Variants in GAPVD1 observed in about 807,000 individuals in gnomAD.
GAPVD1 encodes GTPase activating protein and VPS9 domains 1, also known as GTPase-activating protein and VPS9 domain-containing protein 1.
GAPVD1 carries 35 observed loss-of-function variants against 155.5 expected under a neutral mutation model. That is an observed-to-expected ratio of 0.23 (90% CI 0.17 to 0.30). The LOEUF (loss-of-function observed/expected upper bound fraction) is 0.30, where lower values mean the gene tolerates loss of function less well. GAPVD1 is among the 10% of genes least tolerant of loss of function. The pLI, the probability that GAPVD1 is intolerant of heterozygous loss-of-function variation, is 1.00. For synonymous variants in GAPVD1, 636 were observed against 619.7 expected, an observed-to-expected ratio of 1.03 and a Z score of -0.39; for missense variants, 1,429 against 1,775.7, an observed-to-expected ratio of 0.80 and a Z score of 3.51.
intron 23 of GAPVD1, among the ~76,000 whole-genome samples, chr9:125,352,622 G>T (rs1849467911): frequency 6.6e-6 from 1 of 152,236 alleles, no homozygotes; most frequent in Admixed American, 6.5e-5. Flanking sequence ...TGATGAGAGG[G>T]TCTGCCATGG....
At chr9:125,321,690 C>A in intron 10 of GAPVD1, 128 bp downstream of exon 10, 1 of 806,226 alleles carries the variant, frequency 1.2e-6, no homozygotes, top group African/African-American at 1.7e-5. Context: ...TGAAGATTTC[C>A]TCTAATGAGC....
chr9:125,293,924 G>A (rs1299298247), intron 2 of GAPVD1, among the ~76,000 whole-genome samples: 1 of 102,194 alleles, frequency 9.8e-6, no homozygotes, highest in African/African-American at 3.6e-5. Flanking sequence ...TTCTGTTTTT[G>A]TTTTTTTGAG....
At chr9:125,345,553 G>A (rs976701114) in intron 19 of GAPVD1, among the ~76,000 whole-genome samples, 2 of 152,198 alleles carry the variant, frequency 1.3e-5, no homozygotes, top group Admixed American at 6.5e-5. Context: ...TCAAACCCAT[G>A]TTGTTCAAGG....
At chr9:125,324,137 T>C in intron 11 of GAPVD1, among the ~76,000 whole-genome samples, 1 of 152,318 alleles carries the variant, frequency 6.6e-6, no homozygotes, top group East Asian at 1.9e-4. Context: ...TACTTGAAAT[T>C]CAGTAATATT....
chr9:125,337,434 C>G lies in GAPVD1; in HGVS notation c.2720C>G (p.Ser907Cys), dbSNP rs1376484557. The G allele has an allele frequency of 5.0e-6, 8 of 1,614,068 alleles. No homozygotes were observed. The highest frequency in any genetic ancestry group is 2.7e-5 in the African/African-American group (2 of 74,942). Residue 907 changes from serine to cysteine, a missense_variant, in exon 17 of 28, where the codon TCT (serine) becomes TGT (cysteine). Transcript: ENST00000297933. Reference protein sequence around the residue: ...LVRSRSSDIVSSVRRPMSDPS... With the variant: ...LVRSRSSDIVCSVRRPMSDPS... ...CGAAGCAGGAGCTCTGATATAGTAT[C>G]TTCTGTCCGGAGACCCATGAGTGAC...
chr9:125,273,112 T>C (rs1436462079), intron 2 of GAPVD1, among the ~76,000 whole-genome samples: 1 of 152,208 alleles, frequency 6.6e-6, no homozygotes, highest in Non-Finnish European at 1.5e-5. Flanking sequence ...TTTATATATA[T>C]CTTACTGAGT....
At chr9:125,350,969 A>T (rs558707267) in intron 23 of GAPVD1, 97 bp downstream of exon 23, 1 of 969,090 alleles carries the variant, frequency 1.0e-6, no homozygotes, top group Admixed American at 2.3e-5. Context: ...GGCTTCCTAC[A>T]AAGTGCTTGG....
At position 125,330,072 on chromosome 9, in the gene GAPVD1, A is replaced by T. The variant is rs764352410; in HGVS notation, c.2033-6A>T. On this transcript the variant is annotated splice_region_variant and splice_polypyrimidine_tract_variant and intron_variant, in intron 12 of 27. Coordinates refer to ENST00000297933, the MANE Select transcript of GAPVD1 (RefSeq NM_001282680.3). ...GTTAACCCTTTGCTTCCCACTGGTT[A>T]TACAGGTGCTGCAGCAGAGAACATG... 4 of 1,601,374 alleles carry T rather than the reference A, an allele frequency of 2.5e-6. No homozygotes were observed. The highest frequency in any genetic ancestry group is 3.4e-6 in the Non-Finnish European group (4 of 1,174,822).
chr9:125,318,869 C>T (rs545396954), intron 9 of GAPVD1, among the ~76,000 whole-genome samples: 8 of 151,714 alleles, frequency 5.3e-5, no homozygotes, highest in Non-Finnish European at 8.8e-5. Flanking sequence ...GGCAACTTGG[C>T]GAGACCCTGT....
In GAPVD1 at chr9:125,354,737, A is replaced by G; in HGVS notation, c.3653A>G (p.Gln1218Arg). Residue 1218 changes from glutamine to arginine, a missense_variant, in exon 24 of 28, where the codon CAA becomes CGA. By Grantham distance (43) the Gln-to-Arg change is conservative (BLOSUM62 1). Around this residue, in one of 4 missense-constraint regions of GAPVD1, gnomAD observed 699 missense variants for 826.0 expected, o/e 0.85. Transcript: ENST00000297933. ...CAGGCTCACCTGGAAAGGCTATTGC[A>G]AAGAGTTTTGCGGGACAAAGAAGTG... ...TTQAHLERLL[Q>R]RVLRDKEVAN... 1 of 1,613,762 alleles carries G rather than the reference A, an allele frequency of 6.2e-7. No individual in the cohort carries two copies.
intron 8 of GAPVD1, chr9:125,309,361 T>TC (rs1326973567): frequency 6.6e-6 from 1 of 151,664 alleles, no homozygotes; most frequent in African/African-American, 2.4e-5. Flanking sequence ...TGAGATGGAG[T>TC]CCCCCTCTTG....
chr9:125,323,050 CT>C (rs1564391139), intron 10 of GAPVD1, among the ~76,000 whole-genome samples: 2 of 130,900 alleles, frequency 1.5e-5, no homozygotes, highest in Admixed American at 8.0e-5. Flanking sequence ...GAGACTCTCT[CT>C]AAAAAAAAAA....
At position 125,308,255 on chromosome 9, in the gene GAPVD1, G is replaced by A. The variant is rs1842153054; in HGVS notation, c.1441+375G>A. The stretch of plus-strand genomic sequence containing the variant: ...CTGCTACTTGGGAGGCTGAGATGGG[G>A]AGATTGCTTGAGCCTGGGAGGTCGA... On this transcript the variant is annotated intron_variant, in intron 8 of 27. Transcript: ENST00000297933. 1.2e-5 allele frequency: 3 copies of A among 245,728 alleles called. No homozygotes were observed. In the South Asian group the frequency reaches 2.6e-4, roughly 21 times the overall value. The allele number at this position is 245,728 out of a possible 1,614,324, so 15.2% of individuals were successfully genotyped here. A position where few individuals can be genotyped will look rare whatever the true frequency, so the allele number is the denominator to read the frequency against.
chr9:125,346,508 A>G, intron 19 of GAPVD1: 1 of 398,734 alleles, frequency 2.5e-6, no homozygotes, highest in East Asian at 5.2e-5. Flanking sequence ...TGAATTGCTG[A>G]TAACAGTGAT....
chr9:125,357,812 TAAA>T (rs1250664919), intron 25 of GAPVD1, among the ~76,000 whole-genome samples: 1 of 151,994 alleles, frequency 6.6e-6, no homozygotes. Context: ...GTGTCTGTAC[TAAA>T]AATACAAAAA....
chr9:125,275,924 G>A (rs1175377466), intron 2 of GAPVD1, among the ~76,000 whole-genome samples: 1 of 152,132 alleles, frequency 6.6e-6, no homozygotes, highest in Non-Finnish European at 1.5e-5. Context: ...TCTCAGTTGA[G>A]TTGTATAATA....
At chr9:125,327,628 C>T (rs1281184534) in intron 12 of GAPVD1, among the ~76,000 whole-genome samples, 8 of 152,036 alleles carry the variant, frequency 5.3e-5, no homozygotes, top group African/African-American at 1.4e-4. Context: ...CTCAGCCTCC[C>T]GAGTAGCTGG....
chr9:125,337,232 G>A lies in GAPVD1; in HGVS notation c.2518G>A (p.Val840Met), dbSNP rs1033329269. The change falls in exon 17 of 28, where the codon GTG (valine) becomes ATG (methionine). Residue 840 changes from valine to methionine, a missense_variant. Physicochemically the swap from Val to Met is conservative, Grantham distance 21. Transcript: ENST00000297933. ...PLSSHEGASA[V>M]VRPKVHYARP... is the part of the protein sequence containing the mutation. ...TTCCTGTGTTGCAGGGGCTTCTGCT[G>A]TGGTAAGGCCAAAGGTTCACTATGC... The A allele has an allele frequency of 6.2e-7, 1 of 1,614,046 alleles. No individual in the cohort carries two copies. The highest frequency in any genetic ancestry group is 1.7e-5 in the Admixed American group (1 of 60,006).
intron 23 of GAPVD1, among the ~76,000 whole-genome samples, chr9:125,352,790 C>A (rs1232066884): frequency 1.3e-5 from 2 of 152,128 alleles, no homozygotes; most frequent in Admixed American, 6.5e-5. Context: ...AGTTTCTGAA[C>A]GTTTATGCTC....
Sources: gnomAD v4.1 joint callset for allele counts (sites outside exome capture counted in the v4.1 genomes callset) on GRCh38, gnomAD v4.1.1 for gene constraint, gnomAD v4.1.1 regional missense constraint, MANE v1.5 for transcripts, NCBI Gene and HGNC (gene_info 2026-07-23, HGNC 2026-07-21) for gene names.